The following LMOD1 variants were observed in gnomAD, a reference collection of about 807,000 sequenced individuals.
LMOD1 encodes leiomodin-1.
A neutral mutation model predicts 36.5 loss-of-function variants in LMOD1; 8 were observed. That is an observed-to-expected ratio of 0.22 (90% confidence interval 0.13 to 0.40). The LOEUF is 0.40. LMOD1 is among the 10% of genes least tolerant of loss of function. The pLI is 1.00. For missense variants in LMOD1, 630 were observed against 751.1 expected (o/e 0.84, Z 1.88); for synonymous variants, 284 against 288.7 (o/e 0.98, Z 0.17).
chr1:201,921,828 T>C (rs541378052), intron 1 of LMOD1, among the ~76,000 whole-genome samples: 37 of 151,850 alleles, frequency 2.4e-4, no homozygotes, highest in African/African-American at 6.3e-4. Flanking sequence ...GGCGTGGTGG[T>C]GGGCGCCTGT....
Position 201,946,086 on chromosome 1 carries a change from G to A in LMOD1, c.255C>T (p.Ser85=), listed in dbSNP as rs1337922091. 2 of 1,613,512 alleles carry A rather than the reference G, an allele frequency of 1.2e-6. No homozygotes were observed. The highest frequency in any genetic ancestry group is 1.3e-5 in the African/African-American group (1 of 74,872). ...CAGGGCTGTGCTCACTCACATCCAT[G>A]GACATCTCCCTCTGCATAAGTTTCT... The part of the protein sequence containing the change: ...ETKKLMQREM[S]MDESKQVETK... The change falls in exon 1 of 3, where the codon TCC becomes TCT. Residue 85 remains serine (S), a synonymous_variant. Coordinates refer to ENST00000367288, the MANE Select transcript of LMOD1 (RefSeq NM_012134.3).
chr1:201,903,103 ACT>A (rs377596092), intron 1 of LMOD1, among the ~76,000 whole-genome samples: 77 of 152,088 alleles, frequency 5.1e-4, no homozygotes, highest in African/African-American at 1.7e-3. Flanking sequence ...TCTCTGTCGC[ACT>A]CTCGGGCCCA....
At position 201,901,515 on chromosome 1, in the gene LMOD1, T is replaced by A. The variant is rs867295829; in HGVS notation, c.262-764A>T. Among the ~76,000 whole-genome samples, 498 of 64,034 alleles carry A rather than the reference T, an allele frequency of 7.8e-3. 28 individuals are homozygous for A. The highest frequency in any genetic ancestry group is 0.043 in the East Asian group (81 of 1,870). The allele number at this position is 64,034 out of a possible 152,430, so 42.0% of individuals were successfully genotyped here. On this transcript the variant is annotated intron_variant, in intron 1 of 2. Coordinates refer to ENST00000367288, the MANE Select transcript of LMOD1 (RefSeq NM_012134.3). ...GAAACTCTGTCTCAAAAAAAAAATA[T>A]ATATATATATATATGTATATATATA...
At chr1:201,905,023 T>C (rs879756307) in intron 1 of LMOD1, among the ~76,000 whole-genome samples, 6 of 152,262 alleles carry the variant, frequency 3.9e-5, no homozygotes, top group Non-Finnish European at 7.3e-5. Flanking sequence ...CTTACTCAAC[T>C]GTCTATCCCT....
chr1:201,912,002 G>A (rs1681504287), intron 1 of LMOD1, among the ~76,000 whole-genome samples: 1 of 152,148 alleles, frequency 6.6e-6, no homozygotes, highest in African/African-American at 2.4e-5. Flanking sequence ...AGATCCACAG[G>A]GGGTTTCTGG....
intron 1 of LMOD1, among the ~76,000 whole-genome samples, chr1:201,909,275 C>A (rs1033785345): frequency 5.3e-5 from 8 of 152,290 alleles, no homozygotes; most frequent in Non-Finnish European, 7.4e-5. Context: ...GCATGCAGCC[C>A]CCTGGCAAAA....
intron 1 of LMOD1, among the ~76,000 whole-genome samples, chr1:201,944,710 G>A (rs1055124384): frequency 5.3e-5 from 7 of 131,988 alleles, no homozygotes; most frequent in African/African-American, 2.0e-4. Context: ...TCTTGGCAAA[G>A]GCTTAAACAT....
At chr1:201,946,022 C>T in intron 1 of LMOD1, 58 bp downstream of exon 1, 3 of 1,546,558 alleles carry the variant, frequency 1.9e-6, no homozygotes, top group Non-Finnish European at 1.8e-6. Context: ...AATCATGAAG[C>T]CAGGGTCTCC....
intron 1 of LMOD1, among the ~76,000 whole-genome samples, chr1:201,916,920 G>C (rs767985645): frequency 6.6e-6 from 1 of 152,188 alleles, no homozygotes; most frequent in African/African-American, 2.4e-5. Flanking sequence ...TCCAGGGGTC[G>C]GAGTGGCGCA....
chr1:201,896,667 G>A lies in LMOD1; in HGVS notation c.*1705C>T, dbSNP rs373100719. The A allele has an allele frequency of 1.0e-4, 46 of 456,784 alleles. No homozygotes were observed. The highest frequency in any genetic ancestry group is 8.4e-4 in the African/African-American group (42 of 50,206). 28.3% of individuals were successfully genotyped at this position (456,784 alleles called of 1,614,324 possible). A position where few individuals can be genotyped will look rare whatever the true frequency, so the allele number is the denominator to read the frequency against. ...GTGAGGGCTGACAGTGGAAGCTCTAGCTGGCCTTAGCTCCAGCTCATACCC... is the reference window on the plus strand; with the variant it reads ...GTGAGGGCTGACAGTGGAAGCTCTAACTGGCCTTAGCTCCAGCTCATACCC... On this transcript the variant is annotated 3_prime_UTR_variant, in exon 3 of 3. Transcript: ENST00000367288.
chr1:201,926,231 G>A (rs1483802167), intron 1 of LMOD1, among the ~76,000 whole-genome samples: 1 of 152,178 alleles, frequency 6.6e-6, no homozygotes, highest in African/African-American at 2.4e-5. Context: ...TCTGGGCTAT[G>A]GAGTGTCTGT....
chr1:201,911,901 G>C (rs1345354711), intron 1 of LMOD1, among the ~76,000 whole-genome samples: 1 of 152,224 alleles, frequency 6.6e-6, no homozygotes, highest in African/African-American at 2.4e-5. Context: ...GCTGGGAAGA[G>C]GCAACCCGAA....
intron 1 of LMOD1, among the ~76,000 whole-genome samples, chr1:201,905,791 G>A (rs1167901062): frequency 1.3e-5 from 2 of 152,262 alleles, no homozygotes; most frequent in Non-Finnish European, 2.9e-5. Flanking sequence ...TGGAAGATGA[G>A]TCTGCCTGTG....
intron 1 of LMOD1, among the ~76,000 whole-genome samples, chr1:201,924,920 T>C (rs1229263514): frequency 6.7e-6 from 1 of 150,352 alleles, no homozygotes; most frequent in Non-Finnish European, 1.5e-5. Flanking sequence ...AAGAAAAGAG[T>C]TCAAGATATT....
rs1369196629 is a variant in LMOD1, at chr1:201,898,130, G to A, written c.*242C>T. ...GTGATGTGCTAAAAGGACTCTTCTT[G>A]TCCAGAAACCTGAGCTCCATGTACT... On this transcript the variant is annotated 3_prime_UTR_variant, in exon 3 of 3. Transcript: ENST00000367288. The A allele has an allele frequency of 3.5e-6, 2 of 572,032 alleles. No individual in the cohort carries two copies. The highest frequency in any genetic ancestry group is 1.9e-5 in the African/African-American group (1 of 52,964). 35.4% of individuals were successfully genotyped at this position (572,032 alleles called of 1,614,324 possible). A position where few individuals can be genotyped will look rare whatever the true frequency, so the allele number is the denominator to read the frequency against.
rs1432251136 is a variant in LMOD1, at chr1:201,900,577, C to T, written c.436G>A (p.Gly146Ser). The T allele has an allele frequency of 6.2e-7, 1 of 1,613,878 alleles. No homozygotes were observed. The highest frequency in any genetic ancestry group is 1.1e-5 in the South Asian group (1 of 91,072). ...RDRDEAGGKS[G>S]EKPKEEKIIR... ...ATCTTCTCCTCCTTGGGCTTCTCGC[C>T]ACTCTTGCCACCAGCTTCATCTCTG... The change falls in exon 2 of 3, where the codon GGC becomes AGC. Residue 146 changes from glycine to serine, a missense_variant. By Grantham distance (56) the Gly-to-Ser change is moderately conservative. Around this residue, in one of 3 missense-constraint regions of LMOD1, gnomAD observed 405 missense variants for 400.6 expected, o/e 1.01. Coordinates refer to ENST00000367288, the MANE Select transcript of LMOD1 (RefSeq NM_012134.3).
At chr1:201,937,729 G>A (rs1034099237) in intron 1 of LMOD1, among the ~76,000 whole-genome samples, 1 of 152,112 alleles carries the variant, frequency 6.6e-6, no homozygotes, top group African/African-American at 2.4e-5. Flanking sequence ...TCATGCTACT[G>A]CACTCCATCC....
At chr1:201,917,870 G>A (rs1270230716) in intron 1 of LMOD1, among the ~76,000 whole-genome samples, 1 of 152,180 alleles carries the variant, frequency 6.6e-6, no homozygotes, top group East Asian at 1.9e-4. Flanking sequence ...AGGAGGCCTG[G>A]CTTTCATACA....
At position 201,924,661 on chromosome 1, in the gene LMOD1, AAAAAAAAGAAAGAAAGAAAGAAAG is replaced by A. The variant is rs1206477384; in HGVS notation, c.261+21395_261+21418del. On this transcript the variant is annotated intron_variant, in intron 1 of 2. Coordinates refer to ENST00000367288, the MANE Select transcript of LMOD1 (RefSeq NM_012134.3). ...TAAAGAAAGAAAGAGAGAAAGAAAG[AAAAAAAAGAAAGAAAGAAAGAAAG>A]AAAGAAAGAAAGAAAGAAAGAAAGA... Among the ~76,000 whole-genome samples the A allele has an allele frequency of 3.4e-3, 461 of 136,834 alleles. 2 individuals carry two copies. Among genetic ancestry groups the A allele is most frequent in the Middle Eastern group, 0.01 (3 of 290 alleles). 89.8% of individuals were successfully genotyped at this position (136,834 alleles called of 152,430 possible). A position where few individuals can be genotyped will look rare whatever the true frequency, so the allele number is the denominator to read the frequency against.
Sources: gnomAD v4.1 joint callset for allele counts (sites outside exome capture counted in the v4.1 genomes callset) on GRCh38, gnomAD v4.1.1 for gene constraint, gnomAD v4.1.1 regional missense constraint, MANE v1.5 for transcripts, NCBI Gene and HGNC (gene_info 2026-07-23, HGNC 2026-07-21) for gene names.